Variants in COL28A1 observed in about 807,000 individuals in gnomAD.
COL28A1 encodes the protein collagen type XXVIII alpha 1 chain.
In COL28A1, 161 loss-of-function variants were observed where a neutral mutation model predicts 150.2. The ratio of observed to expected loss-of-function variants is 1.07; its 90% CI spans 0.94 to 1.22. COL28A1 has a LOEUF of 1.22. Among genes scored for constraint, COL28A1 ranks in the 50% most tolerant of loss-of-function variants. The probability of loss-of-function intolerance (pLI) is 0.00; values close to 1 mark genes in which losing one functional copy is unlikely to be tolerated. For missense variants in COL28A1, 1,617 were observed against 1,388.3 expected, an observed-to-expected ratio of 1.16 and a Z score of -2.62; for synonymous variants, 552 against 469.7, an observed-to-expected ratio of 1.18 and a Z score of -2.26.
chr7:7,492,773 A>T (rs1583496418), intron 11 of COL28A1, among the ~76,000 whole-genome samples: 1 of 151,532 alleles, frequency 6.6e-6, no homozygotes, highest in Non-Finnish European at 1.5e-5. Context: ...TTGATATTTA[A>T]GTGGATTGAA....
rs144804822 is a variant in COL28A1 at position 7,459,134 on chromosome 7, G to A, written c.1303-3022C>T. 4.7e-3 allele frequency among the ~76,000 whole-genome samples: 709 copies of A among 152,308 alleles called. 5 individuals are homozygous for A. Among genetic ancestry groups the A allele is most frequent in the East Asian group, 0.022 (115 of 5,188 alleles). On this transcript the variant is annotated intron_variant, in intron 15 of 34. Transcript: ENST00000399429. ...TATGTAATAATATCCTGATACTTCAGAGTGATTTCTTTGCATGACCTCCAA... is the reference window on the plus strand; with the variant it reads ...TATGTAATAATATCCTGATACTTCAAAGTGATTTCTTTGCATGACCTCCAA...
chr7:7,471,689 G>C (rs532154162), intron 15 of COL28A1, among the ~76,000 whole-genome samples: 8 of 152,166 alleles, frequency 5.3e-5, no homozygotes, highest in Non-Finnish European at 8.8e-5. Context: ...GAGGTCAGAA[G>C]TTTGAGACCA....
At position 7,381,108 on chromosome 7, in the gene COL28A1, C is replaced by T. The variant is rs930849080; in HGVS notation, c.2206-246G>A. 5.3e-5 allele frequency among the ~76,000 whole-genome samples: 8 copies of T among 152,138 alleles called. No individual in the cohort carries two copies. The South Asian group carries it at 6.2e-4, about 12-fold the overall frequency. Reference sequence around the variant, plus strand: ...ACCTTGAGATATAATACCATCTAATCGGCTCACCTTTCAGGACATACAATT... The same window carrying T: ...ACCTTGAGATATAATACCATCTAATTGGCTCACCTTTCAGGACATACAATT... On this transcript the variant is annotated intron_variant, in intron 28 of 34. Transcript: ENST00000399429.
intron 21 of COL28A1, among the ~76,000 whole-genome samples, chr7:7,438,578 C>T (rs781455163): frequency 5.3e-5 from 8 of 152,196 alleles, no homozygotes; most frequent in African/African-American, 1.4e-4. Flanking sequence ...CACCGCACAC[C>T]GCAAGGTGTT....
the COL28A1 span, among the ~76,000 whole-genome samples, chr7:7,343,916 G>C: frequency 1.3e-5 from 2 of 151,996 alleles, no homozygotes; most frequent in African/African-American, 4.8e-5. Context: ...GCTGAGGTGG[G>C]AGGATAGCTT....
intron 30 of COL28A1, among the ~76,000 whole-genome samples, chr7:7,379,812 C>T (rs1048781848): frequency 1.3e-5 from 2 of 152,198 alleles, no homozygotes; most frequent in Admixed American, 1.3e-4. Flanking sequence ...TATGTAGCTA[C>T]TTCATCTACT....
the COL28A1 span, among the ~76,000 whole-genome samples, chr7:7,345,887 G>T: frequency 6.6e-6 from 1 of 151,886 alleles, no homozygotes; most frequent in African/African-American, 2.4e-5. Flanking sequence ...TTAGCTCCTT[G>T]GTTGACTTAA....
At chr7:7,447,508 C>T (rs2128325888) in intron 18 of COL28A1, among the ~76,000 whole-genome samples, 1 of 151,842 alleles carries the variant, frequency 6.6e-6, no homozygotes, top group East Asian at 1.9e-4. Flanking sequence ...TGAGAAAAAT[C>T]AATCGATTGA....
intron 9 of COL28A1, among the ~76,000 whole-genome samples, chr7:7,508,870 G>C (rs1251836340): frequency 1.3e-5 from 2 of 151,992 alleles, no homozygotes; most frequent in Non-Finnish European, 2.9e-5. Flanking sequence ...GTCTTACTCT[G>C]TCCCCCAGGC....
intron 13 of COL28A1, among the ~76,000 whole-genome samples, chr7:7,487,375 C>G (rs193161636): frequency 6.6e-6 from 1 of 152,034 alleles, no homozygotes; most frequent in East Asian, 1.9e-4. Flanking sequence ...GTCAGGAGTT[C>G]GAGACCAGCC....
rs146842675 is a variant in COL28A1, at chr7:7,532,810, G to A, written c.66C>T (p.Ser22=). 2.2e-4 allele frequency: 347 copies of A among 1,611,698 alleles called. 6 individuals are homozygous for A. The South Asian group carries it at 2.4e-3, about 11-fold the overall frequency. The change falls in exon 2 of 35, where the codon TCC becomes TCT. Residue 22 remains serine, a synonymous_variant. Transcript: ENST00000399429. ...LLSAFTSQTV[S]GQRKKGPKSN... The stretch of plus-strand genomic sequence containing the variant: ...ATTTTGGTCCTTTCTTTCTTTGTCC[G>A]GATACTGTTTGACTCGTAAACGCTG...
At chr7:7,368,933 A>T (rs1392952737) in intron 33 of COL28A1, among the ~76,000 whole-genome samples, 9 of 152,150 alleles carry the variant, frequency 5.9e-5, no homozygotes, top group Admixed American at 5.9e-4. Flanking sequence ...TCTTGTACTT[A>T]CCTATCTCCC....
At chr7:7,534,142 T>G (rs1364859193) in intron 1 of COL28A1, among the ~76,000 whole-genome samples, 3 of 152,186 alleles carry the variant, frequency 2.0e-5, no homozygotes, top group African/African-American at 7.2e-5. Context: ...GATGGCTTCA[T>G]GCCACAGTCT....
chr7:7,531,160 T>C (rs1444858238), intron 3 of COL28A1, among the ~76,000 whole-genome samples, 188 bp downstream of exon 3: 2 of 152,208 alleles, frequency 1.3e-5, no homozygotes, highest in Non-Finnish European at 2.9e-5. Flanking sequence ...AGCCTGGAAC[T>C]TTTCCAGATT....
upstream of COL28A1, among the ~76,000 whole-genome samples, chr7:7,540,566 T>G (rs1478414364): frequency 6.6e-6 from 1 of 152,232 alleles, no homozygotes; most frequent in African/African-American, 2.4e-5. Flanking sequence ...TAGGTCTTTG[T>G]GCATCAAAGT....
chr7:7,475,749 T>G (rs1788814947), intron 14 of COL28A1, among the ~76,000 whole-genome samples: 1 of 152,166 alleles, frequency 6.6e-6, no homozygotes, highest in Non-Finnish European at 1.5e-5. Context: ...AAGTAGAAAT[T>G]TACTAAGTGC....
chr7:7,437,269 G>A, intron 22 of COL28A1, 125 bp downstream of exon 22: 1 of 1,399,938 alleles, frequency 7.1e-7, no homozygotes. Flanking sequence ...TGAAGTTTCA[G>A]AGTTAAACGG....
intron 25 of COL28A1, among the ~76,000 whole-genome samples, chr7:7,425,664 T>C (rs758920469): frequency 7.2e-5 from 11 of 152,230 alleles, no homozygotes; most frequent in Non-Finnish European, 1.5e-4. Flanking sequence ...ATAAAATGGC[T>C]ACTACCACTA....
intron 15 of COL28A1, among the ~76,000 whole-genome samples, chr7:7,473,399 C>T (rs988767596): frequency 5.3e-5 from 8 of 151,950 alleles, no homozygotes; most frequent in African/African-American, 7.3e-5. Context: ...ACACAATTCT[C>T]GAGAAGATAT....
Sources: gnomAD v4.1 joint callset for allele counts (sites outside exome capture counted in the v4.1 genomes callset) on GRCh38, gnomAD v4.1.1 for gene constraint, MANE v1.5 for transcripts, NCBI Gene and HGNC (gene_info 2026-07-23, HGNC 2026-07-21) for gene names.